ANK3: variants seen among roughly 807,000 people sequenced by gnomAD.
ANK3 encodes the protein ankyrin-3.
Under a neutral mutation model 370.9 loss-of-function variants are expected in ANK3, and 57 were observed. The ratio of observed to expected loss-of-function variants is 0.15; its 90% CI spans 0.12 to 0.19. The LOEUF (loss-of-function observed/expected upper bound fraction) is 0.19, where lower values mean the gene tolerates loss of function less well. Ranked by LOEUF, ANK3 falls within the 10% of genes least tolerant of loss-of-function variation. ANK3 has a pLI of 1.00. For missense variants in ANK3, 4,439 were observed against 5,302.1 expected (o/e 0.84, Z 5.06); for synonymous variants, 1,929 against 1,946.3 (o/e 0.99, Z 0.23).
intron 2 of ANK3, among the ~76,000 whole-genome samples, chr10:60,595,332 AAG>A (rs1350882547): frequency 2.0e-5 from 3 of 152,122 alleles, no homozygotes; most frequent in African/African-American, 7.2e-5. Context: ...GGGTTTTTGA[AAG>A]AGAGTTTGGC....
At chr10:60,230,179 C>T (rs75900198) in intron 8 of ANK3, among the ~76,000 whole-genome samples, 6,421 of 152,178 alleles carry the variant, frequency 0.042, 456 homozygotes, top group African/African-American at 0.14. Flanking sequence ...TCTGATTGGT[C>T]TGTGAATTGA....
intron 1 of ANK3, among the ~76,000 whole-genome samples, chr10:60,644,268 C>T (rs2078677233): frequency 6.6e-6 from 1 of 152,130 alleles, no homozygotes; most frequent in Admixed American, 6.5e-5. Context: ...ATAAGGAGAA[C>T]ATAGCATCTG....
rs2096790195 is a variant in ANK3, at chr10:60,207,912, G to T, written c.1194+124C>A. ...TTCCTGAAGGATATTTGAAAAAATT[G>T]ACAAGAAGTACACTTTAACTAGCAC... On this transcript the variant is annotated intron_variant, in intron 10 of 43. Coordinates refer to ENST00000280772, the MANE Select transcript of ANK3 (RefSeq NM_020987.5). 5 of 857,608 alleles carry T rather than the reference G, an allele frequency of 5.8e-6. No individual in the cohort carries two copies. The South Asian group carries it at 8.6e-5, about 15-fold the overall frequency. 53.1% of individuals were successfully genotyped at this position (857,608 alleles called of 1,614,324 possible).
intron 26 of ANK3, among the ~76,000 whole-genome samples, chr10:60,109,363 C>A (rs1297462950): frequency 6.6e-6 from 1 of 152,074 alleles, no homozygotes. Flanking sequence ...GGTCTAGTAA[C>A]AGGATTCTCA....
chr10:60,667,522 T>C (rs576743347), intron 1 of ANK3, among the ~76,000 whole-genome samples: 177 of 146,896 alleles, frequency 1.2e-3, no homozygotes, highest in Non-Finnish European at 2.1e-3. Context: ...ATTAAAACTG[T>C]CCATCTCTAA....
chr10:60,656,438 C>T (rs548933308), intron 1 of ANK3, among the ~76,000 whole-genome samples: 6,138 of 151,734 alleles, frequency 0.04, 152 homozygotes, highest in Middle Eastern at 0.071. Flanking sequence ...ATGCTACTAT[C>T]TTTTAAAAAA....
At chr10:60,253,873 G>A (rs940068240) in intron 7 of ANK3, among the ~76,000 whole-genome samples, 28 of 152,158 alleles carry the variant, frequency 1.8e-4, no homozygotes, top group African/African-American at 6.8e-4. Flanking sequence ...TGTGTGTGTG[G>A]TCTCTGTTGG....
chr10:60,386,298 G>C (rs1436124768), intron 1 of ANK3, among the ~76,000 whole-genome samples: 1 of 152,038 alleles, frequency 6.6e-6, no homozygotes, highest in Non-Finnish European at 1.5e-5. Flanking sequence ...GGAAAGTATG[G>C]CTAAGGGGCA....
At chr10:60,540,485 T>C (rs2076821663) in intron 2 of ANK3, among the ~76,000 whole-genome samples, 2 of 151,912 alleles carry the variant, frequency 1.3e-5, no homozygotes, top group Admixed American at 1.3e-4. Context: ...AACATGGTTA[T>C]TACAACTGGG....
At position 60,314,718 on chromosome 10, in the gene ANK3, G is replaced by A. The variant is rs752365502; in HGVS notation, c.115-35079C>T. Among the ~76,000 whole-genome samples the A allele has an allele frequency of 9.1e-4, 139 of 152,176 alleles. 1 individual carries two copies. The highest frequency in any genetic ancestry group is 2.2e-4 in the Non-Finnish European group (15 of 68,034). The stretch of plus-strand genomic sequence containing the variant: ...GAGTGAAGGTACAAACTCCATTCGA[G>A]GAGGACAGCACACACCTGGCTCAAG... On this transcript the variant is annotated intron_variant, in intron 1 of 43. Transcript: ENST00000280772.
At chr10:60,446,649 G>A (rs2064454795) in intron 2 of ANK3, among the ~76,000 whole-genome samples, 1 of 152,134 alleles carries the variant, frequency 6.6e-6, no homozygotes, top group Non-Finnish European at 1.5e-5. Context: ...AACATGTACA[G>A]GCTCTGAAGC....
At chr10:60,622,422 T>C (rs908967875) in intron 1 of ANK3, among the ~76,000 whole-genome samples, 4 of 152,078 alleles carry the variant, frequency 2.6e-5, no homozygotes, top group African/African-American at 7.2e-5. Flanking sequence ...ATTGTATTTT[T>C]AGTAGAGATG....
intron 2 of ANK3, among the ~76,000 whole-genome samples, chr10:60,504,652 T>C (rs2075888064): frequency 1.3e-5 from 2 of 152,124 alleles, no homozygotes; most frequent in Admixed American, 1.3e-4. Context: ...ATAGAATCCC[T>C]CAGATTCAAT....
At chr10:60,301,324 G>A (rs117428636) in intron 1 of ANK3, among the ~76,000 whole-genome samples, 330 of 139,578 alleles carry the variant, frequency 2.4e-3, no homozygotes, top group Non-Finnish European at 3.8e-3. Flanking sequence ...ATACACACAC[G>A]TGTGTATATA....
At chr10:60,236,181 G>C (rs564853770) in intron 7 of ANK3, among the ~76,000 whole-genome samples, 2 of 152,056 alleles carry the variant, frequency 1.3e-5, no homozygotes, top group South Asian at 4.2e-4. Flanking sequence ...AGTTTAAGAA[G>C]AGGAGAAAGA....
At position 60,074,879 on chromosome 10, in the gene ANK3, C is replaced by G; in HGVS notation, c.6002G>C (p.Arg2001Thr). 1 of 1,613,810 alleles carries G rather than the reference C, an allele frequency of 6.2e-7. No homozygotes were observed. Among genetic ancestry groups the G allele is most frequent in the Non-Finnish European group, 8.5e-7 (1 of 1,179,916 alleles). Reference sequence around the variant, plus strand: ...AGACTGGCTCGCAGCAGCTTGTTGTCTGGCTTCCCGGATTTCTTCCGAACT... The same window carrying G: ...AGACTGGCTCGCAGCAGCTTGTTGTGTGGCTTCCCGGATTTCTTCCGAACT... ...EFSSEEIREA[R>T]QQAAASQSPS... The change falls in exon 37 of 44, where the codon AGA (arginine) becomes ACA (threonine). Residue 2001 changes from arginine (R) to threonine (T), a missense_variant. Coordinates refer to ENST00000280772, the MANE Select transcript of ANK3 (RefSeq NM_020987.5).
intron 25 of ANK3, among the ~76,000 whole-genome samples, chr10:60,130,747 G>C (rs1402527861): frequency 6.6e-6 from 1 of 152,062 alleles, no homozygotes; most frequent in East Asian, 1.9e-4. Context: ...CTTCTTCTTT[G>C]AGCAATTAGC....
chr10:60,495,145 T>C (rs2075621180), intron 2 of ANK3, among the ~76,000 whole-genome samples: 1 of 152,198 alleles, frequency 6.6e-6, no homozygotes, highest in Non-Finnish European at 1.5e-5. Context: ...CAAAGTACAA[T>C]TATTTTGTAG....
chr10:60,093,295 C>T (rs1481660515), intron 28 of ANK3, among the ~76,000 whole-genome samples: 1 of 152,174 alleles, frequency 6.6e-6, no homozygotes, highest in Non-Finnish European at 1.5e-5. Context: ...ATCAGCTAAG[C>T]AGATATTTTT....
Sources: allele counts gnomAD v4.1 joint callset (sites outside exome capture counted in the v4.1 genomes callset), GRCh38; gene constraint gnomAD v4.1.1; transcripts MANE v1.5; gene names NCBI Gene and HGNC (gene_info 2026-07-23, HGNC 2026-07-21).